MYO9A: variants seen among roughly 807,000 people sequenced by gnomAD.
The protein encoded by MYO9A is unconventional myosin-IXa.
A neutral mutation model predicts 293.3 loss-of-function variants in MYO9A; 103 were observed. That is an observed-to-expected ratio of 0.35 (90% CI 0.30 to 0.41). MYO9A has a LOEUF of 0.41. MYO9A is among the 10% of genes least tolerant of loss of function. MYO9A has a pLI of 1.00. For missense variants in MYO9A, 2,685 were observed against 3,033.0 expected (o/e 0.89, Z 2.69); for synonymous variants, 1,001 against 1,035.7 (o/e 0.97, Z 0.64).
intron 1 of MYO9A, among the ~76,000 whole-genome samples, chr15:72,055,791 TA>T (rs540665434): frequency 0.012 from 1,867 of 151,848 alleles, 56 homozygotes; most frequent in Admixed American, 0.057. Flanking sequence ...AGAATGGCCA[TA>T]AAAAAAATCA....
chr15:71,914,504 C>A (rs921385139), intron 19 of MYO9A, among the ~76,000 whole-genome samples: 6 of 152,236 alleles, frequency 3.9e-5, no homozygotes, highest in African/African-American at 1.4e-4. Flanking sequence ...GGTTTCCTCA[C>A]CTTTATAATA....
chr15:71,889,679 A>G (rs763150644), intron 26 of MYO9A: 29 of 152,008 alleles, frequency 1.9e-4, no homozygotes, highest in Non-Finnish European at 3.7e-4. Flanking sequence ...TGATAATTTT[A>G]TAAGAAAAAA....
chr15:72,021,951 G>A (rs1397510486), intron 4 of MYO9A, among the ~76,000 whole-genome samples: 1 of 152,082 alleles, frequency 6.6e-6, no homozygotes, highest in Non-Finnish European at 1.5e-5. Flanking sequence ...GAGTGTTGAA[G>A]GCATGGAACA....
intron 33 of MYO9A, among the ~76,000 whole-genome samples, chr15:71,860,486 G>A (rs2056071372): frequency 6.6e-6 from 1 of 152,176 alleles, no homozygotes; most frequent in Non-Finnish European, 1.5e-5. Flanking sequence ...TGAGAACACA[G>A]CTGGCTTATG....
intron 11 of MYO9A, among the ~76,000 whole-genome samples, chr15:71,982,162 G>A (rs955060425): frequency 6.6e-6 from 1 of 151,588 alleles, no homozygotes; most frequent in South Asian, 2.1e-4. Flanking sequence ...TGGGACTACA[G>A]GGGCCTGCCA....
intron 32 of MYO9A, among the ~76,000 whole-genome samples, chr15:71,866,605 G>A (rs1028346013): frequency 6.6e-6 from 1 of 151,742 alleles, no homozygotes; most frequent in Non-Finnish European, 1.5e-5. Context: ...CAGAAGAAAA[G>A]ATTCAAAATA....
intron 8 of MYO9A, among the ~76,000 whole-genome samples, chr15:72,002,825 G>A (rs892821307): frequency 1.3e-5 from 2 of 152,198 alleles, no homozygotes; most frequent in Non-Finnish European, 2.9e-5. Context: ...CTTGAGTGGG[G>A]CTGTAAGGGT....
At chr15:71,908,696 C>T (rs1019282093) in intron 19 of MYO9A, among the ~76,000 whole-genome samples, 5 of 152,122 alleles carry the variant, frequency 3.3e-5, no homozygotes, top group African/African-American at 1.2e-4. Flanking sequence ...CCCTCACATG[C>T]ACAATTTCCC....
chr15:72,058,402 T>C (rs1192651575), intron 1 of MYO9A, among the ~76,000 whole-genome samples: 1 of 152,088 alleles, frequency 6.6e-6, no homozygotes, highest in African/African-American at 2.4e-5. Flanking sequence ...CAGCAATTCT[T>C]AGACAAAAAT....
intron 40 of MYO9A, among the ~76,000 whole-genome samples, chr15:71,828,468 C>T (rs1241558240): frequency 6.6e-6 from 1 of 152,184 alleles, no homozygotes; most frequent in Non-Finnish European, 1.5e-5. Flanking sequence ...AAACTATTTT[C>T]CATGAAGCTT....
chr15:71,938,599 A>G (rs1596241406), intron 16 of MYO9A, among the ~76,000 whole-genome samples: 1 of 152,302 alleles, frequency 6.6e-6, no homozygotes, highest in South Asian at 2.1e-4. Flanking sequence ...CAATTAAAAT[A>G]TATGAGCTCA....
chr15:71,974,218 A>G (rs1196415442), intron 12 of MYO9A, among the ~76,000 whole-genome samples: 2 of 147,430 alleles, frequency 1.4e-5, no homozygotes, highest in Non-Finnish European at 2.9e-5. Context: ...AACAAAGAGG[A>G]AAAAAAAATC....
intron 12 of MYO9A, chr15:71,972,331 T>C (rs1183838019): frequency 1.3e-5 from 2 of 152,146 alleles, no homozygotes; most frequent in African/African-American, 4.8e-5. Flanking sequence ...TCCTTTGCAA[T>C]ATCCTTTATA....
At chr15:72,048,335 G>A (rs1201187326) in intron 1 of MYO9A, among the ~76,000 whole-genome samples, 1 of 151,428 alleles carries the variant, frequency 6.6e-6, no homozygotes, top group Non-Finnish European at 1.5e-5. Flanking sequence ...GGAGGCAGAG[G>A]TTACAGTGAG....
intron 1 of MYO9A, among the ~76,000 whole-genome samples, chr15:72,090,870 A>T (rs1261380368): frequency 1.3e-5 from 2 of 152,064 alleles, no homozygotes; most frequent in East Asian, 3.8e-4. Context: ...ATAAATAAAC[A>T]ATGATTGGGT....
At chr15:71,869,928 C>A (rs1208024762) in intron 32 of MYO9A, among the ~76,000 whole-genome samples, 1 of 152,186 alleles carries the variant, frequency 6.6e-6, no homozygotes, top group Non-Finnish European at 1.5e-5. Context: ...CTACTAATAT[C>A]CATTCTTTGT....
chr15:72,061,683 C>T (rs904491882), intron 1 of MYO9A, among the ~76,000 whole-genome samples: 3 of 151,808 alleles, frequency 2.0e-5, no homozygotes, highest in Non-Finnish European at 4.4e-5. Context: ...AAATAAAGCA[C>T]CAAGGAGATT....
intron 1 of MYO9A, among the ~76,000 whole-genome samples, chr15:72,055,050 G>A (rs1251284406): frequency 1.3e-5 from 2 of 152,102 alleles, no homozygotes; most frequent in East Asian, 1.9e-4. Flanking sequence ...GCAGATCAAC[G>A]TCAAGTAAAA....
intron 19 of MYO9A, among the ~76,000 whole-genome samples, chr15:71,911,544 G>A (rs907710384): frequency 2.0e-5 from 3 of 152,210 alleles, no homozygotes; most frequent in African/African-American, 7.2e-5. Flanking sequence ...TGAGTATGGA[G>A]AGGAGTAGCA....
Sources: gnomAD v4.1 joint callset for allele counts (sites outside exome capture counted in the v4.1 genomes callset) on GRCh38, gnomAD v4.1.1 for gene constraint, MANE v1.5 for transcripts, NCBI Gene and HGNC (gene_info 2026-07-23, HGNC 2026-07-21) for gene names.